SSC4D: variants seen among roughly 807,000 people sequenced by gnomAD.
SSC4D encodes scavenger receptor cysteine rich family member with 4 domains.
SSC4D carries 57 observed loss-of-function variants against 63.4 expected under a neutral mutation model. The ratio of observed to expected loss-of-function variants is 0.90; its 90% CI spans 0.73 to 1.12. The LOEUF (loss-of-function observed/expected upper bound fraction) is 1.12. Among genes scored for constraint, SSC4D ranks in the 50% most tolerant of loss-of-function variants. SSC4D has a pLI of 0.00. For synonymous variants in SSC4D, 352 were observed against 345.4 expected, an observed-to-expected ratio of 1.02 and a Z score of -0.21; for missense variants, 791 against 806.4, an observed-to-expected ratio of 0.98 and a Z score of 0.23.
chr7:76,405,309 A>C (rs61440534), intron 1 of SSC4D, among the ~76,000 whole-genome samples: 25 of 42,350 alleles, frequency 5.9e-4, no homozygotes, highest in African/African-American at 1.3e-3. Flanking sequence ...ATATATATAT[A>C]TATATATGTA....
Position 76,400,344 on chromosome 7 carries a change from G to A in SSC4D, c.417C>T (p.Ser139=). The A allele has an allele frequency of 6.5e-7, 1 of 1,528,134 alleles. No individual in the cohort carries two copies. The highest frequency in any genetic ancestry group is 8.8e-7 in the Non-Finnish European group (1 of 1,133,446). The allele number at this position is 1,528,134 out of a possible 1,614,324, so 94.7% of individuals were successfully genotyped here. A position where few individuals can be genotyped will look rare whatever the true frequency, so the allele number is the denominator to read the frequency against. The part of the protein sequence containing the change: ...GQEAALSECG[S]RGWGVHNCFH... ...AGCAATTGTGGACGCCCCAGCCGCG[G>A]CTGCCGCACTCGCTCAGCGCAGCTT... Residue 139 remains serine (S), a synonymous_variant, in exon 4 of 11, where the codon AGC becomes AGT. Coordinates refer to ENST00000275560, the MANE Select transcript of SSC4D (RefSeq NM_080744.2).
chr7:76,395,052 C>T (rs1804604827), intron 7 of SSC4D, among the ~76,000 whole-genome samples: 1 of 151,938 alleles, frequency 6.6e-6, no homozygotes, highest in African/African-American at 2.4e-5. Flanking sequence ...CTCCTCCCAC[C>T]CCGCTGAAGT....
chr7:76,407,048 C>T (rs1805058034), intron 1 of SSC4D, among the ~76,000 whole-genome samples: 2 of 152,140 alleles, frequency 1.3e-5, no homozygotes, highest in South Asian at 4.1e-4. Context: ...GCAACCTCCA[C>T]CTCCTGGGTT....
At chr7:76,390,809 T>G (rs2115733123) in intron 10 of SSC4D, among the ~76,000 whole-genome samples, 1 of 150,636 alleles carries the variant, frequency 6.6e-6, no homozygotes, top group South Asian at 2.1e-4. Context: ...AGAGTGAGAC[T>G]TCGTCTCAAA....
chr7:76,397,439 C>A, intron 6 of SSC4D, 79 bp downstream of exon 6: 2 of 1,425,704 alleles, frequency 1.4e-6, no homozygotes, highest in Non-Finnish European at 1.8e-6. Flanking sequence ...CACCTCCCCA[C>A]CGAAGCCTCC....
At position 76,389,987 on chromosome 7, in the gene SSC4D, A is replaced by T. The variant is rs1327663094; in HGVS notation, c.*72T>A. ...CAAAGTGAACTGTAGTCATCACAAG[A>T]GGAGGGCTTCCTGGAGGAGGAAGGG... is the stretch of plus-strand genomic sequence containing the variant. On this transcript the variant is annotated 3_prime_UTR_variant, in exon 11 of 11. Transcript: ENST00000275560. 10 of 1,590,652 alleles carry T rather than the reference A, an allele frequency of 6.3e-6. No individual in the cohort carries two copies. In the South Asian group the frequency reaches 1.1e-4, roughly 18 times the overall value.
intron 6 of SSC4D, among the ~76,000 whole-genome samples, chr7:76,395,712 A>G (rs1206788757): frequency 1.3e-5 from 2 of 152,024 alleles, no homozygotes; most frequent in Non-Finnish European, 2.9e-5. Flanking sequence ...TTTTTTTGAG[A>G]TGGAGTTTCG....
chr7:76,400,973 G>C, intron 3 of SSC4D, 35 bp downstream of exon 3: 1 of 1,551,176 alleles, frequency 6.4e-7, no homozygotes, highest in Middle Eastern at 1.7e-4. Context: ...CTGGCGGACA[G>C]GTGAGGGTGA....
chr7:76,398,469 T>A (rs1484373830), intron 5 of SSC4D, among the ~76,000 whole-genome samples: 5 of 152,052 alleles, frequency 3.3e-5, no homozygotes, highest in Admixed American at 1.3e-4. Context: ...CACGCCTGGC[T>A]AATTTTTGTA....
intron 7 of SSC4D, among the ~76,000 whole-genome samples, chr7:76,394,837 T>A (rs1326701011): frequency 7.3e-6 from 1 of 137,088 alleles, no homozygotes; most frequent in African/African-American, 3.2e-5. Context: ...TGATATATAT[T>A]ATATATAAGA....
rs955444457 is a variant in SSC4D at position 76,389,929 on chromosome 7, G to C, written c.*130C>G. On this transcript the variant is annotated 3_prime_UTR_variant, in exon 11 of 11. Coordinates refer to ENST00000275560, the MANE Select transcript of SSC4D (RefSeq NM_080744.2). ...CCCCCAAGCAGGACTGCACTGTCTA[G>C]GTAGGCTCTCTCCCAGGCAAGGGAA... 4.9e-6 allele frequency: 6 copies of C among 1,236,990 alleles called. No individual in the cohort carries two copies. Among genetic ancestry groups the C allele is most frequent in the South Asian group, 4.2e-5 (3 of 72,224 alleles). The allele number at this position is 1,236,990 out of a possible 1,614,324, so 76.6% of individuals were successfully genotyped here.
intron 2 of SSC4D, among the ~76,000 whole-genome samples, chr7:76,403,809 G>A (rs1279972073): frequency 3.3e-5 from 5 of 151,554 alleles, no homozygotes; most frequent in East Asian, 2.0e-4. Flanking sequence ...TTACAGGTGC[G>A]TGCTGCCAAG....
chr7:76,400,987 A>G, intron 3 of SSC4D, 21 bp downstream of exon 3: 1 of 1,550,988 alleles, frequency 6.4e-7, no homozygotes, highest in Non-Finnish European at 8.7e-7. Context: ...AGGGTGAGGA[A>G]GGGCGGGGTG....
At chr7:76,402,425 G>A (rs35001140) in intron 2 of SSC4D, among the ~76,000 whole-genome samples, 4,959 of 151,840 alleles carry the variant, frequency 0.033, 111 homozygotes, top group Middle Eastern at 0.085. Flanking sequence ...CAAGTGATCC[G>A]CCTGCCTCAG....
rs1228233094 is a variant in SSC4D at position 76,400,584 on chromosome 7, C to A, written c.177G>T (p.Arg59Ser). The change falls in exon 4 of 11, where the codon AGG (arginine) becomes AGT (serine). Residue 59 changes from arginine (R) to serine (S), a missense_variant. Transcript: ENST00000275560. ...QPTPLPFQEL[R>S]LVGGPSRCRG... ...GGCAGCGGCTGGGGCCCCCCACCAG[C>A]CTCAGCTCTGTGAAGAGGGTGGAGC... is the stretch of plus-strand genomic sequence containing the variant. The A allele has an allele frequency of 2.7e-6, 4 of 1,472,152 alleles. No individual in the cohort carries two copies. In the East Asian group the frequency reaches 1.0e-4, roughly 38 times the overall value. 91.2% of individuals were successfully genotyped at this position (1,472,152 alleles called of 1,614,324 possible).
At chr7:76,393,300 G>A (rs1308419675) in intron 9 of SSC4D, 105 bp downstream of exon 9, 4 of 1,173,414 alleles carry the variant, frequency 3.4e-6, no homozygotes, top group Non-Finnish European at 4.3e-6. Context: ...CATGCTCCCC[G>A]GGCGGCAGTG....
In SSC4D at chr7:76,398,716, G is replaced by A. The variant is rs377060944; in HGVS notation, c.553+4C>T. 2.7e-5 allele frequency: 43 copies of A among 1,612,568 alleles called. No homozygotes were observed. The highest frequency in any genetic ancestry group is 3.4e-5 in the Non-Finnish European group (40 of 1,179,040). ...CAGGTGGTGCCCACATTATGCTTAC[G>A]TACTTTTTCCATTCGGCAGTGTCGT... On this transcript the variant is annotated splice_donor_region_variant and intron_variant, in intron 5 of 10. Coordinates refer to ENST00000275560, the MANE Select transcript of SSC4D (RefSeq NM_080744.2).
intron 1 of SSC4D, among the ~76,000 whole-genome samples, chr7:76,405,353 T>C (rs1468696817): frequency 5.2e-5 from 6 of 115,672 alleles, no homozygotes; most frequent in Admixed American, 8.8e-5. Flanking sequence ...TTTTTTTTTT[T>C]TTTTTTTTGG....
chr7:76,395,441 T>C, intron 6 of SSC4D, 111 bp from the exon 7 acceptor site: 1 of 1,111,660 alleles, frequency 9.0e-7, no homozygotes, highest in Non-Finnish European at 1.3e-6. Flanking sequence ...GAATAGATGT[T>C]ACTTCCAGGG....
Sources: gnomAD v4.1 joint callset for allele counts (sites outside exome capture counted in the v4.1 genomes callset) on GRCh38, gnomAD v4.1.1 for gene constraint, MANE v1.5 for transcripts, NCBI Gene and HGNC (gene_info 2026-07-23, HGNC 2026-07-21) for gene names.